RCCD1: variants seen among roughly 807,000 people sequenced by gnomAD.
RCCD1 encodes the protein RCC1 domain containing 1.
In RCCD1, 40 loss-of-function variants were observed where a neutral mutation model predicts 37.6. That is an observed-to-expected ratio of 1.06 (90% CI 0.83 to 1.39). The LOEUF (loss-of-function observed/expected upper bound fraction) is 1.39, where lower values mean the gene tolerates loss of function less well. Ranked by LOEUF, RCCD1 falls within the 40% of genes most tolerant of loss-of-function variation. RCCD1 has a pLI of 0.00. For synonymous variants in RCCD1, 263 were observed against 230.0 expected, an observed-to-expected ratio of 1.14 and a Z score of -1.30; for missense variants, 577 against 517.3, an observed-to-expected ratio of 1.12 and a Z score of -1.12.
At position 90,957,607 on chromosome 15, in the gene RCCD1, T is replaced by A; in HGVS notation, c.561T>A (p.His187Gln). The A allele has an allele frequency of 6.2e-7, 1 of 1,614,026 alleles. No homozygotes were observed. The highest frequency in any genetic ancestry group is 8.5e-7 in the Non-Finnish European group (1 of 1,179,992). ...GQVFSWGGGR[H>Q]GQLGHGTLEA... Reference sequence around the variant, plus strand: ...GACGACGGTCTCCCTTGCTCAGGCATGGACAGCTGGGCCATGGGACCCTGG... The same window carrying A: ...GACGACGGTCTCCCTTGCTCAGGCAAGGACAGCTGGGCCATGGGACCCTGG... Residue 187 changes from histidine to glutamine, a missense_variant, in exon 4 of 8, where the codon CAT becomes CAA. By Grantham distance (24) the His-to-Gln change is conservative. Coordinates refer to ENST00000394258, the MANE Select transcript of RCCD1 (RefSeq NM_001017919.2).
At chr15:90,957,011 C>T (rs1232079783) in intron 2 of RCCD1, 102 bp from the exon 3 acceptor site, 2 of 1,282,788 alleles carry the variant, frequency 1.6e-6, no homozygotes, top group Non-Finnish European at 2.0e-6. Flanking sequence ...GCCAGCCCCA[C>T]ATTCTGGGTT....
chr15:90,959,190 C>T (rs575000037), intron 4 of RCCD1, among the ~76,000 whole-genome samples: 63 of 152,068 alleles, frequency 4.1e-4, no homozygotes, highest in Non-Finnish European at 7.2e-4. Context: ...AGGGATCCTG[C>T]GTAAATGGTG....
intron 1 of RCCD1, chr15:90,955,511 G>A (rs2037160104): frequency 6.6e-6 from 1 of 152,302 alleles, no homozygotes; most frequent in South Asian, 2.1e-4. Flanking sequence ...CCAGGAACTG[G>A]GGTCTCAGGA....
intron 4 of RCCD1, among the ~76,000 whole-genome samples, chr15:90,958,288 C>T (rs2037243259): frequency 6.6e-6 from 1 of 152,126 alleles, no homozygotes; most frequent in African/African-American, 2.4e-5. Flanking sequence ...GTGTCTGGGG[C>T]TCTCATTCTG....
At chr15:90,957,838 A>C in intron 4 of RCCD1, 113 bp downstream of exon 4, 1 of 1,396,956 alleles carries the variant, frequency 7.2e-7, no homozygotes, top group Non-Finnish European at 9.7e-7. Flanking sequence ...TCATCCATCC[A>C]TCGCCCAGTC....
At position 90,962,501 on chromosome 15, in the gene RCCD1, A is replaced by T. The variant is rs2037335314; in HGVS notation, c.*732A>T. ...ATTTTACTAGATAACTGTTGCCCCC[A>T]GCAGGGTGGGGTCTACTGTGGCTAA... On this transcript the variant is annotated 3_prime_UTR_variant, in exon 8 of 8. Transcript: ENST00000394258. 1 of 152,206 alleles carries T rather than the reference A, an allele frequency of 6.6e-6. No individual in the cohort carries two copies. Among genetic ancestry groups the T allele is most frequent in the African/African-American group, 2.4e-5 (1 of 41,460 alleles). 9.4% of individuals were successfully genotyped at this position (152,206 alleles called of 1,614,324 possible).
chr15:90,959,304 ATTG>A lies in RCCD1; in HGVS notation c.680-593_680-591del, dbSNP rs1202935872. ...GGATTAAGCACTTCATAAAGCAGCT[ATTG>A]TTAGAAATTTTTAGAATTAGGCAGC... is the stretch of plus-strand genomic sequence containing the variant. On this transcript the variant is annotated intron_variant, in intron 4 of 7. Transcript: ENST00000394258. Among the ~76,000 whole-genome samples, 3 of 152,174 alleles carry A rather than the reference ATTG, an allele frequency of 2.0e-5. No individual in the cohort carries two copies. The South Asian group carries it at 6.2e-4, about 32-fold the overall frequency.
intron 6 of RCCD1, 196 bp from the exon 7 acceptor site, chr15:90,960,829 A>T (rs1413682550): frequency 1.5e-6 from 1 of 678,138 alleles, no homozygotes; most frequent in African/African-American, 1.8e-5. Context: ...ACACAGGAAG[A>T]TCCGCCACTT....
In RCCD1 at chr15:90,956,756, G is replaced by A; in HGVS notation, c.22G>A (p.Ala8Thr). The A allele has an allele frequency of 7.5e-7, 1 of 1,325,764 alleles. No homozygotes were observed. The highest frequency in any genetic ancestry group is 9.6e-7 in the Non-Finnish European group (1 of 1,038,124). 82.1% of individuals were successfully genotyped at this position (1,325,764 alleles called of 1,614,324 possible). A position where few individuals can be genotyped will look rare whatever the true frequency, so the allele number is the denominator to read the frequency against. Residue 8 changes from alanine to threonine, a missense_variant, in exon 2 of 8, where the codon GCC becomes ACC. Coordinates refer to ENST00000394258, the MANE Select transcript of RCCD1 (RefSeq NM_001017919.2). MAEERPG[A>T]WFGFGFCGFG... The stretch of plus-strand genomic sequence containing the variant: ...GGGCATGGCGGAGGAGCGGCCGGGG[G>A]CCTGGTTCGGCTTCGGTTTCTGCGG...
rs1427124241 is a variant in RCCD1 at position 90,956,633 on chromosome 15, G to T, written c.-102G>T. On this transcript the variant is annotated 5_prime_UTR_variant, in exon 2 of 8. Transcript: ENST00000394258. Reference sequence around the variant, plus strand: ...ACAGATAAGGCAGCTCCAGCCCCTGGAAGGCCAGAGACTTGCCAGTGTCCC... The same window carrying T: ...ACAGATAAGGCAGCTCCAGCCCCTGTAAGGCCAGAGACTTGCCAGTGTCCC... The T allele has an allele frequency of 9.1e-7, 1 of 1,093,926 alleles. No individual in the cohort carries two copies. The highest frequency in any genetic ancestry group is 1.2e-6 in the Non-Finnish European group (1 of 862,710). 67.8% of individuals were successfully genotyped at this position (1,093,926 alleles called of 1,614,324 possible). A position where few individuals can be genotyped will look rare whatever the true frequency, so the allele number is the denominator to read the frequency against.
At position 90,957,102 on chromosome 15, in the gene RCCD1, C is replaced by G. The variant is rs1291067647; in HGVS notation, c.167-11C>G. The G allele has an allele frequency of 7.4e-7, 1 of 1,342,318 alleles. No homozygotes were observed. The highest frequency in any genetic ancestry group is 1.5e-5 in the African/African-American group (1 of 64,956). The allele number at this position is 1,342,318 out of a possible 1,614,324, so 83.2% of individuals were successfully genotyped here. On this transcript the variant is annotated splice_polypyrimidine_tract_variant and intron_variant, in intron 2 of 7. Coordinates refer to ENST00000394258, the MANE Select transcript of RCCD1 (RefSeq NM_001017919.2). ...TCCATTCTGGCCACCCTGCTCCAAT[C>G]CGCCCCGCAGGTGGAGGCCGCTTGG...
chr15:90,958,107 G>A lies in RCCD1; in HGVS notation c.679+382G>A, dbSNP rs141185353. On this transcript the variant is annotated intron_variant, in intron 4 of 7. Coordinates refer to ENST00000394258, the MANE Select transcript of RCCD1 (RefSeq NM_001017919.2). Reference sequence around the variant, plus strand: ...AGGGGGCCATGATGTGTGGCACAGGGTGGACACTGGGGTGCCCACCAGGCA... The same window carrying A: ...AGGGGGCCATGATGTGTGGCACAGGATGGACACTGGGGTGCCCACCAGGCA... 4.6e-3 allele frequency among the ~76,000 whole-genome samples: 706 copies of A among 152,358 alleles called. 27 individuals are homozygous for A. Among genetic ancestry groups the A allele is most frequent in the Admixed American group, 0.04 (611 of 15,308 alleles).
intron 2 of RCCD1, 47 bp from the exon 3 acceptor site, chr15:90,957,066 T>TC: frequency 7.6e-7 from 1 of 1,307,642 alleles, no homozygotes; most frequent in Non-Finnish European, 9.7e-7. Context: ...GCTCCCCCCA[T>TC]CCCCGCCGCC....
At position 90,961,602 on chromosome 15, in the gene RCCD1, G is replaced by A. The variant is rs1204986018; in HGVS notation, c.980-16G>A. 1.9e-6 allele frequency: 3 copies of A among 1,607,710 alleles called. No homozygotes were observed. Among genetic ancestry groups the A allele is most frequent in the South Asian group, 1.1e-5 (1 of 90,438 alleles). On this transcript the variant is annotated splice_polypyrimidine_tract_variant and intron_variant, in intron 7 of 7. Transcript: ENST00000394258. ...ACCCAGTGGAGACGATGGCAAAGGGGCTGATTTCACTTTAGGTAAATATGG... is the reference window on the plus strand; with the variant it reads ...ACCCAGTGGAGACGATGGCAAAGGGACTGATTTCACTTTAGGTAAATATGG...
intron 4 of RCCD1, among the ~76,000 whole-genome samples, chr15:90,958,355 G>A (rs1488789423): frequency 3.9e-5 from 6 of 152,282 alleles, no homozygotes; most frequent in Admixed American, 1.3e-4. Flanking sequence ...GGGGCCGGGC[G>A]TAGTGGCTCA....
At chr15:90,955,903 T>A (rs2037178850) in intron 1 of RCCD1, 1 of 152,258 alleles carries the variant, frequency 6.6e-6, no homozygotes, top group African/African-American at 2.4e-5. Context: ...AAATTCTGTC[T>A]GTATAAGTTT....
At position 90,957,189 on chromosome 15, in the gene RCCD1, G is replaced by T. The variant is rs1351223888; in HGVS notation, c.243G>T (p.Gly81=). 4 of 1,390,784 alleles carry T rather than the reference G, an allele frequency of 2.9e-6. No individual in the cohort carries two copies. The highest frequency in any genetic ancestry group is 1.6e-5 in the South Asian group (1 of 61,458). The allele number at this position is 1,390,784 out of a possible 1,614,324, so 86.2% of individuals were successfully genotyped here. A position where few individuals can be genotyped will look rare whatever the true frequency, so the allele number is the denominator to read the frequency against. ...GCAAGGACGCGTGGGCCTCGGAGGG[G>T]CTCCTCGCGGTGCTGCGCGCCGGGC... ...GRCKDAWASE[G]LLAVLRAGPG... The change falls in exon 3 of 8, where the codon GGG becomes GGT. Residue 81 remains glycine, a synonymous_variant. Coordinates refer to ENST00000394258, the MANE Select transcript of RCCD1 (RefSeq NM_001017919.2).
At chr15:90,961,533 A>T in intron 7 of RCCD1, 85 bp from the exon 8 acceptor site, 1 of 1,447,094 alleles carries the variant, frequency 6.9e-7, no homozygotes, top group East Asian at 2.3e-5. Context: ...CCAGCACTTC[A>T]TTTGATAGTC....
In RCCD1 at chr15:90,957,627, C is replaced by G; in HGVS notation, c.581C>G (p.Thr194Ser). 6.2e-7 allele frequency: 1 copy of G among 1,614,112 alleles called. No homozygotes were observed. Among genetic ancestry groups the G allele is most frequent in the South Asian group, 1.1e-5 (1 of 91,084 alleles). Reference sequence around the variant, plus strand: ...AGGCATGGACAGCTGGGCCATGGGACCCTGGAGGCAGAGCTGGAGCCACGG... The same window carrying G: ...AGGCATGGACAGCTGGGCCATGGGAGCCTGGAGGCAGAGCTGGAGCCACGG... ...GGRHGQLGHG[T>S]LEAELEPRLL... Residue 194 changes from threonine (T) to serine (S), a missense_variant, in exon 4 of 8, where the codon ACC (threonine) becomes AGC (serine). By Grantham distance (58) the Thr-to-Ser change is moderately conservative (BLOSUM62 1). Coordinates refer to ENST00000394258, the MANE Select transcript of RCCD1 (RefSeq NM_001017919.2).
Sources: allele counts gnomAD v4.1 joint callset (sites outside exome capture counted in the v4.1 genomes callset), GRCh38; gene constraint gnomAD v4.1.1; transcripts MANE v1.5; gene names NCBI Gene and HGNC (gene_info 2026-07-23, HGNC 2026-07-21).